Variants in METTL15 observed in about 807,000 individuals in gnomAD.
METTL15 encodes 12S rRNA N(4)-cytidine methyltransferase METTL15.
In METTL15, 34 loss-of-function variants were observed where a neutral mutation model predicts 38.3. That is an observed-to-expected ratio of 0.89 (90% CI 0.68 to 1.18). The LOEUF is 1.18. METTL15 is among the 50% of genes most tolerant of loss of function. The probability of loss-of-function intolerance (pLI) is 0.00; values close to 1 mark genes in which losing one functional copy is unlikely to be tolerated. For missense variants in METTL15, 438 were observed against 498.4 expected, an observed-to-expected ratio of 0.88 and a Z score of 1.15; for synonymous variants, 162 against 170.9, an observed-to-expected ratio of 0.95 and a Z score of 0.41.
intron 4 of METTL15, among the ~76,000 whole-genome samples, chr11:28,227,533 G>A (rs571903914): frequency 6.6e-6 from 1 of 151,870 alleles, no homozygotes; most frequent in African/African-American, 2.4e-5. Context: ...GAGAATATTC[G>A]AAGATCTTTG....
At chr11:28,460,355 G>C (rs867547398) in intron 6 of METTL15, among the ~76,000 whole-genome samples, 1 of 152,038 alleles carries the variant, frequency 6.6e-6, no homozygotes, top group Non-Finnish European at 1.5e-5. Flanking sequence ...CATTGTTACA[G>C]CTTGACAGGA....
chr11:28,136,853 A>G (rs1849530398), intron 3 of METTL15, among the ~76,000 whole-genome samples: 1 of 152,098 alleles, frequency 6.6e-6, no homozygotes. Context: ...ATGTGATATT[A>G]TGGAATAGAA....
chr11:28,245,420 A>G (rs1455091376), intron 4 of METTL15, among the ~76,000 whole-genome samples: 3 of 152,176 alleles, frequency 2.0e-5, no homozygotes. Context: ...TAGTGGTTTC[A>G]GCATTAGATC....
At chr11:28,158,570 G>A (rs1287417156) in intron 3 of METTL15, among the ~76,000 whole-genome samples, 1 of 152,150 alleles carries the variant, frequency 6.6e-6, no homozygotes, top group Non-Finnish European at 1.5e-5. Context: ...ATGGGCAGAG[G>A]TTTGTCCTCA....
chr11:28,260,086 G>T (rs1855139424), intron 4 of METTL15, among the ~76,000 whole-genome samples: 1 of 152,172 alleles, frequency 6.6e-6, no homozygotes. Context: ...TTTTCTGTCT[G>T]CCTCAGTTGG....
At chr11:28,487,277 T>C (rs543179923) in intron 6 of METTL15, among the ~76,000 whole-genome samples, 1 of 152,110 alleles carries the variant, frequency 6.6e-6, no homozygotes, top group Non-Finnish European at 1.5e-5. Flanking sequence ...CCTTTATAAT[T>C]GTGAAAATTG....
intron 2 of METTL15, 56 bp downstream of exon 2, chr11:28,110,457 G>A (rs764400641): frequency 6.6e-6 from 1 of 152,226 alleles, no homozygotes; most frequent in African/African-American, 2.4e-5. Context: ...CCAAACCTTT[G>A]GGGGTACTCC....
At chr11:28,416,888 A>C (rs1850776976) in intron 5 of METTL15, among the ~76,000 whole-genome samples, 1 of 152,248 alleles carries the variant, frequency 6.6e-6, no homozygotes. Flanking sequence ...TTAGGAAGAC[A>C]AATTAGATGT....
At chr11:28,243,375 G>C (rs1032413268) in intron 4 of METTL15, among the ~76,000 whole-genome samples, 1 of 152,148 alleles carries the variant, frequency 6.6e-6, no homozygotes, top group Admixed American at 6.5e-5. Context: ...TGAAATTAAA[G>C]TAGTCAAATG....
intron 5 of METTL15, among the ~76,000 whole-genome samples, chr11:28,396,855 A>G (rs1850575171): frequency 6.6e-6 from 1 of 152,212 alleles, no homozygotes; most frequent in Non-Finnish European, 1.5e-5. Context: ...ACAAGGCTAC[A>G]GTAACCAAAA....
intron 3 of METTL15, among the ~76,000 whole-genome samples, chr11:28,181,620 G>C (rs925963865): frequency 6.6e-6 from 1 of 152,014 alleles, no homozygotes; most frequent in African/African-American, 2.4e-5. Context: ...GTATTCCATG[G>C]TGTATATGTA....
At chr11:28,517,615 C>A (rs1851729949) in intron 6 of METTL15, among the ~76,000 whole-genome samples, 1 of 152,200 alleles carries the variant, frequency 6.6e-6, no homozygotes, top group African/African-American at 2.4e-5. Context: ...GGACTCCTTT[C>A]TCATTTTAGC....
At chr11:28,265,493 G>C (rs558897397) in intron 4 of METTL15, among the ~76,000 whole-genome samples, 26 of 151,886 alleles carry the variant, frequency 1.7e-4, no homozygotes, top group Admixed American at 1.4e-3. Flanking sequence ...GTAGATACAC[G>C]TGCATGAAAG....
intron 4 of METTL15, among the ~76,000 whole-genome samples, chr11:28,269,060 G>T (rs1019586063): frequency 6.6e-6 from 1 of 152,120 alleles, no homozygotes; most frequent in Non-Finnish European, 1.5e-5. Context: ...GCGACAATAT[G>T]TTTCACCAGG....
At chr11:28,136,903 TAAAAA>T (rs201717459) in intron 3 of METTL15, among the ~76,000 whole-genome samples, 1 of 143,512 alleles carries the variant, frequency 7.0e-6, no homozygotes, top group South Asian at 2.2e-4. Context: ...AATGATGACT[TAAAAA>T]AAAAAAAGGT....
intron 5 of METTL15, among the ~76,000 whole-genome samples, chr11:28,421,950 A>C (rs1022939139): frequency 6.6e-6 from 1 of 151,878 alleles, no homozygotes; most frequent in African/African-American, 2.4e-5. Flanking sequence ...GTATAGACCC[A>C]ACCAAAAAAC....
intron 4 of METTL15, among the ~76,000 whole-genome samples, chr11:28,262,331 G>A (rs1267713069): frequency 6.6e-6 from 1 of 150,642 alleles, no homozygotes; most frequent in East Asian, 1.9e-4. Context: ...TAATAACTAT[G>A]CATACAGATA....
At chr11:28,495,229 T>C (rs1851526537) in intron 6 of METTL15, among the ~76,000 whole-genome samples, 1 of 152,110 alleles carries the variant, frequency 6.6e-6, no homozygotes, top group Non-Finnish European at 1.5e-5. Context: ...ATATGGTAAC[T>C]TGTGCTTAAG....
intron 3 of METTL15, among the ~76,000 whole-genome samples, chr11:28,209,593 C>T (rs1464395485): frequency 6.6e-6 from 1 of 151,960 alleles, no homozygotes; most frequent in African/African-American, 2.4e-5. Flanking sequence ...ACATTTTCAC[C>T]ACATTTACAT....
Sources: allele counts gnomAD v4.1 joint callset (sites outside exome capture counted in the v4.1 genomes callset), GRCh38; gene constraint gnomAD v4.1.1; transcripts MANE v1.5; gene names NCBI Gene and HGNC (gene_info 2026-07-23, HGNC 2026-07-21).